Variants in ZNF726 observed in about 807,000 individuals in gnomAD.
ZNF726 encodes zinc finger protein 92 pseudogene 3.
A neutral mutation model predicts 11.6 loss-of-function variants in ZNF726; 15 were observed. The observed-to-expected ratio is 1.29, with a 90% CI of 0.86 to 1.99. The LOEUF (loss-of-function observed/expected upper bound fraction) is 1.99. Among genes scored for constraint, ZNF726 ranks in the 30% most tolerant of loss-of-function variants. The pLI is 0.00. For synonymous variants in ZNF726, 295 were observed against 243.6 expected (o/e 1.21, Z -1.96); for missense variants, 890 against 725.6 (o/e 1.23, Z -2.60).
intron 3 of ZNF726, among the ~76,000 whole-genome samples, chr19:23,925,952 T>A (rs1967977300): frequency 6.6e-6 from 1 of 151,420 alleles, no homozygotes; most frequent in South Asian, 2.1e-4. Context: ...CCTGTCCTCG[T>A]GATCCGCCTG....
intron 1 of ZNF726, 141 bp downstream of exon 1, chr19:23,915,138 C>T (rs980067211): frequency 8.6e-5 from 111 of 1,286,738 alleles, no homozygotes; most frequent in Non-Finnish European, 1.1e-4. Context: ...CGGCCTCAGT[C>T]CCTTCAGCCT....
chr19:23,931,308 T>G (rs1352907289), intron 3 of ZNF726, among the ~76,000 whole-genome samples: 2 of 152,188 alleles, frequency 1.3e-5, no homozygotes, highest in African/African-American at 4.8e-5. Context: ...TTTACATCAT[T>G]TTTTCTAACT....
intron 3 of ZNF726, among the ~76,000 whole-genome samples, chr19:23,940,505 C>T (rs1048981037): frequency 1.3e-5 from 2 of 151,712 alleles, no homozygotes; most frequent in African/African-American, 4.8e-5. Flanking sequence ...ATGTTAGAAT[C>T]GTTTTTTTTA....
rs1158946143 is a variant in ZNF726 at position 23,933,853 on chromosome 19, T to A, written c.1737T>A (p.Asn579Lys). 2 of 1,593,554 alleles carry A rather than the reference T, an allele frequency of 1.3e-6. No homozygotes were observed. The highest frequency in any genetic ancestry group is 2.7e-5 in the African/African-American group (2 of 73,776). The change falls in exon 4 of 4, where the codon AAT becomes AAA. Residue 579 changes from asparagine to lysine, a missense_variant. By Grantham distance (94) the Asn-to-Lys change is moderately conservative. Transcript: ENST00000594466. The stretch of plus-strand genomic sequence containing the variant: ...GAAAAGCGTTTAATCGATCCTCAAA[T>A]CTTAGTACGCATAAGATAATTCATA... ...ECGKAFNRSSNLSTHKIIHTG... is the reference protein window; with the variant it reads ...ECGKAFNRSSKLSTHKIIHTG...
intron 3 of ZNF726, among the ~76,000 whole-genome samples, chr19:23,924,766 ACCTGTGGTC>A: frequency 6.6e-6 from 1 of 152,130 alleles, no homozygotes; most frequent in East Asian, 1.9e-4. Flanking sequence ...GGTGGTGTGC[ACCTGTGGTC>A]CCAGCTACTT....
At chr19:23,937,728 C>A (rs1478585176), downstream of ZNF726, among the ~76,000 whole-genome samples, 1 of 152,188 alleles carries the variant, frequency 6.6e-6, no homozygotes, top group African/African-American at 2.4e-5. Context: ...ACGCTCCTCA[C>A]TTCCCAGATG....
Position 23,932,602 on chromosome 19 carries a change from A to T in ZNF726, c.486A>T (p.Arg162Ser). 2 of 1,543,758 alleles carry T rather than the reference A, an allele frequency of 1.3e-6. No individual in the cohort carries two copies. Among genetic ancestry groups the T allele is most frequent in the Non-Finnish European group, 1.7e-6 (2 of 1,145,790 alleles). Residue 162 changes from arginine (R) to serine (S), a missense_variant, in exon 4 of 4, where the codon AGA becomes AGT. Coordinates refer to ENST00000594466, the MANE Select transcript of ZNF726 (RefSeq NM_001244038.2). ...KVFYKFINLN[R>S]YKIRHTRKKP... The stretch of plus-strand genomic sequence containing the variant: ...TTTATAAATTTATAAATTTAAACAG[A>T]TATAAGATAAGACATACTAGAAAGA...
At chr19:23,922,623 C>A (rs909304013) in intron 3 of ZNF726, among the ~76,000 whole-genome samples, 2 of 152,202 alleles carry the variant, frequency 1.3e-5, no homozygotes, top group African/African-American at 4.8e-5. Context: ...TAGTTTGCAA[C>A]CTGAACGGAG....
Position 23,919,429 on chromosome 19 carries a change from C to T in ZNF726, c.60C>T (p.Cys20=). The T allele has an allele frequency of 1.2e-6, 2 of 1,608,190 alleles. No homozygotes were observed. The highest frequency in any genetic ancestry group is 1.7e-6 in the Non-Finnish European group (2 of 1,176,488). Residue 20 remains cysteine, a synonymous_variant, in exon 2 of 4, where the codon TGC becomes TGT. Coordinates refer to ENST00000594466, the MANE Select transcript of ZNF726 (RefSeq NM_001244038.2). ...AATTCTCTCTGGAGGAGTGGCAGTG[C>T]CTGGACACTGCACAGAAGAATTTAT... The part of the protein sequence containing the change: ...AIEFSLEEWQ[C]LDTAQKNLYR...
intron 1 of ZNF726, among the ~76,000 whole-genome samples, chr19:23,917,813 T>G (rs975670539): frequency 1.3e-5 from 2 of 152,014 alleles, no homozygotes; most frequent in African/African-American, 4.8e-5. Context: ...ATTTTGCTGA[T>G]TTTTTCTAAC....
At chr19:23,939,937 T>C (rs1457272324) in intron 3 of ZNF726, among the ~76,000 whole-genome samples, 1 of 149,328 alleles carries the variant, frequency 6.7e-6, no homozygotes, top group Non-Finnish European at 1.5e-5. Context: ...CTTTGGCAGA[T>C]GTATAGATTG....
chr19:23,941,475 G>A (rs887204291), intron 3 of ZNF726, among the ~76,000 whole-genome samples: 1 of 152,062 alleles, frequency 6.6e-6, no homozygotes, highest in African/African-American at 2.4e-5. Flanking sequence ...TTTGGTTGTA[G>A]GGTGATGCTG....
At chr19:23,919,274 AG>A in intron 1 of ZNF726, 98 bp from the exon 2 acceptor site, 1 of 1,536,046 alleles carries the variant, frequency 6.5e-7, no homozygotes, top group Non-Finnish European at 8.8e-7. Context: ...CTTATAAGTT[AG>A]AATCAATTCT....
chr19:23,915,172 C>T (rs1967666110), intron 1 of ZNF726, among the ~76,000 whole-genome samples, 175 bp downstream of exon 1: 1 of 152,166 alleles, frequency 6.6e-6, no homozygotes, highest in Admixed American at 6.5e-5. Context: ...GCGCTGACAG[C>T]CGGGCTCCCG....
chr19:23,920,258 A>C, intron 3 of ZNF726, 176 bp downstream of exon 3: 1 of 384,494 alleles, frequency 2.6e-6, no homozygotes, highest in South Asian at 2.3e-5. Flanking sequence ...TGCTTATAAA[A>C]TCTCTAAGAA....
At chr19:23,943,880 C>T (rs1162655539) in intron 4 of ZNF726, 8 of 220,808 alleles carry the variant, frequency 3.6e-5, no homozygotes, top group African/African-American at 1.1e-4. Flanking sequence ...TCCATTGCTT[C>T]GGGGGAATAT....
At chr19:23,919,841 T>C in intron 2 of ZNF726, 146 bp from the exon 3 acceptor site, 1 of 497,308 alleles carries the variant, frequency 2.0e-6, no homozygotes, top group Non-Finnish European at 3.1e-6. Context: ...AAATATTCTG[T>C]AAATATTTAA....
At chr19:23,926,382 G>T (rs192417743) in intron 3 of ZNF726, among the ~76,000 whole-genome samples, 1 of 151,788 alleles carries the variant, frequency 6.6e-6, no homozygotes, top group Admixed American at 6.6e-5. Context: ...GTGAAACCCC[G>T]TCTCTACTAA....
At chr19:23,941,605 AC>A (rs957353050) in intron 3 of ZNF726, among the ~76,000 whole-genome samples, 1 of 151,654 alleles carries the variant, frequency 6.6e-6, no homozygotes, top group African/African-American at 2.4e-5. Context: ...CTGGTCCTGG[AC>A]TTTTTTTCTT....
Sources: gnomAD v4.1 joint callset for allele counts (sites outside exome capture counted in the v4.1 genomes callset) on GRCh38, gnomAD v4.1.1 for gene constraint, MANE v1.5 for transcripts, NCBI Gene and HGNC (gene_info 2026-07-23, HGNC 2026-07-21) for gene names.